CCDC60: variants seen among roughly 807,000 people sequenced by gnomAD.
CCDC60 encodes the protein coiled-coil domain containing 60.
Under a neutral mutation model 63.5 loss-of-function variants are expected in CCDC60, and 54 were observed. The observed-to-expected ratio is 0.85, with a 90% CI of 0.68 to 1.07. The LOEUF (loss-of-function observed/expected upper bound fraction) is 1.07, where lower values mean the gene tolerates loss of function less well. Ranked by LOEUF, CCDC60 falls within the 50% of genes least tolerant of loss-of-function variation. The pLI, the probability that CCDC60 is intolerant of heterozygous loss-of-function variation, is 0.00. For synonymous variants in CCDC60, 206 were observed against 238.8 expected (o/e 0.86, Z 1.27); for missense variants, 651 against 684.3 (o/e 0.95, Z 0.54).
chr12:119,517,219 T>C (rs899042590), intron 8 of CCDC60, among the ~76,000 whole-genome samples: 2 of 152,032 alleles, frequency 1.3e-5, no homozygotes, highest in African/African-American at 4.8e-5. Flanking sequence ...GGCCTCAAAC[T>C]CATGGCTTAA....
rs548099233 is a variant in CCDC60 at position 119,516,180 on chromosome 12, G to A, written c.884-443G>A. Among the ~76,000 whole-genome samples the A allele has an allele frequency of 9.1e-4, 138 of 151,996 alleles. No individual in the cohort carries two copies. In the South Asian group the frequency reaches 0.012, roughly 13 times the overall value. ...GAGTGCAGTGGCATGATCTCGGCTC[G>A]CTGCAACCTCTGCCTCTCAGGTTCA... On this transcript the variant is annotated intron_variant, in intron 7 of 13. Transcript: ENST00000327554.
chr12:119,335,034 A>C lies in CCDC60; in HGVS notation c.-143A>C. On this transcript the variant is annotated 5_prime_UTR_variant, in exon 1 of 14. Transcript: ENST00000327554. ...GCTTTCTCATTACTCTTCAGAAGGAAACCGCTTTGGAGTTCGTGTAATTGG... is the reference window on the plus strand; with the variant it reads ...GCTTTCTCATTACTCTTCAGAAGGACACCGCTTTGGAGTTCGTGTAATTGG... The C allele has an allele frequency of 2.1e-5, 13 of 624,084 alleles. No individual in the cohort carries two copies. The highest frequency in any genetic ancestry group is 3.3e-5 in the Non-Finnish European group (12 of 359,070). 38.7% of individuals were successfully genotyped at this position (624,084 alleles called of 1,614,324 possible). A position where few individuals can be genotyped will look rare whatever the true frequency, so the allele number is the denominator to read the frequency against.
At position 119,362,897 on chromosome 12, in the gene CCDC60, G is replaced by A. The variant is rs149839252; in HGVS notation, c.90+27631G>A. Among the ~76,000 whole-genome samples, 273 of 152,300 alleles carry A rather than the reference G, an allele frequency of 1.8e-3. 2 individuals are homozygous for A. Among genetic ancestry groups the A allele is most frequent in the South Asian group, 2.3e-3 (11 of 4,822 alleles). ...GCAGATCACTTGAGGCCAGGAGTTC[G>A]AGACCAGCTTGGCCAACATGGCAAA... On this transcript the variant is annotated intron_variant, in intron 1 of 13. Transcript: ENST00000327554.
intron 1 of CCDC60, among the ~76,000 whole-genome samples, chr12:119,406,299 A>G (rs1182616992): frequency 6.6e-6 from 1 of 151,968 alleles, no homozygotes; most frequent in Non-Finnish European, 1.5e-5. Context: ...GGGTCTCATC[A>G]GCTCCCCTTG....
At chr12:119,495,762 C>T (rs1389057165) in intron 5 of CCDC60, among the ~76,000 whole-genome samples, 2 of 152,086 alleles carry the variant, frequency 1.3e-5, no homozygotes, top group African/African-American at 4.8e-5. Flanking sequence ...GGAATACTGC[C>T]GTGAAGAAAA....
intron 6 of CCDC60, among the ~76,000 whole-genome samples, chr12:119,500,619 C>T (rs1463640851): frequency 6.7e-6 from 1 of 149,294 alleles, no homozygotes; most frequent in African/African-American, 2.5e-5. Context: ...ATTGGGAGGC[C>T]AAGGCAGGAG....
intron 4 of CCDC60, among the ~76,000 whole-genome samples, chr12:119,487,816 C>CA (rs150213439): frequency 0.018 from 2,665 of 152,136 alleles, 69 homozygotes; most frequent in African/African-American, 0.059. Flanking sequence ...ACAAAGTGTC[C>CA]AAAAAATCAG....
At chr12:119,346,819 TC>T in intron 1 of CCDC60, among the ~76,000 whole-genome samples, 1 of 134,770 alleles carries the variant, frequency 7.4e-6, no homozygotes, top group South Asian at 2.4e-4. Context: ...TTTCTTTCTT[TC>T]TTTCTTTCTT....
At chr12:119,443,798 C>T (rs1950489425) in intron 2 of CCDC60, among the ~76,000 whole-genome samples, 2 of 152,290 alleles carry the variant, frequency 1.3e-5, no homozygotes, top group African/African-American at 4.8e-5. Context: ...GGCTCTACCA[C>T]CTACTAGCTT....
intron 2 of CCDC60, among the ~76,000 whole-genome samples, chr12:119,443,085 C>T (rs995497952): frequency 2.0e-5 from 3 of 152,218 alleles, no homozygotes; most frequent in East Asian, 3.8e-4. Flanking sequence ...ACAGTGCCAA[C>T]GTGCATCAGG....
At chr12:119,466,362 T>C (rs1950953880) in intron 2 of CCDC60, among the ~76,000 whole-genome samples, 2 of 152,326 alleles carry the variant, frequency 1.3e-5, no homozygotes, top group Admixed American at 6.5e-5. Context: ...CCTCAACACA[T>C]AGTGCTTTGT....
At chr12:119,406,179 AT>A (rs1425949966) in intron 1 of CCDC60, among the ~76,000 whole-genome samples, 55 of 91,368 alleles carry the variant, frequency 6.0e-4, no homozygotes, top group African/African-American at 1.7e-3. Flanking sequence ...CTCAAAAAAT[AT>A]ATATATATAT....
At chr12:119,407,538 AAATT>A (rs936063719) in intron 1 of CCDC60, among the ~76,000 whole-genome samples, 2 of 152,234 alleles carry the variant, frequency 1.3e-5, no homozygotes, top group Admixed American at 6.5e-5. Flanking sequence ...TCTCAAAAAT[AAATT>A]AATTAATTAC....
intron 1 of CCDC60, among the ~76,000 whole-genome samples, chr12:119,364,617 G>A (rs890938438): frequency 2.0e-5 from 3 of 152,124 alleles, no homozygotes; most frequent in Non-Finnish European, 4.4e-5. Context: ...ACCTGTTGAT[G>A]CACAGTTGGG....
rs762799929 is a variant in CCDC60 at position 119,335,135 on chromosome 12, C to T, written c.-42C>T. On this transcript the variant is annotated 5_prime_UTR_variant, in exon 1 of 14. Coordinates refer to ENST00000327554, the MANE Select transcript of CCDC60 (RefSeq NM_178499.5). ...TGAAGTAGAAGATTCTGGAAAAATCCTTGTCTTGGGGGCACAGGCTAAAAC... is the reference window on the plus strand; with the variant it reads ...TGAAGTAGAAGATTCTGGAAAAATCTTTGTCTTGGGGGCACAGGCTAAAAC... The T allele has an allele frequency of 1.3e-6, 2 of 1,523,904 alleles. No homozygotes were observed. Among genetic ancestry groups the T allele is most frequent in the Non-Finnish European group, 1.8e-6 (2 of 1,118,842 alleles). The allele number at this position is 1,523,904 out of a possible 1,614,324, so 94.4% of individuals were successfully genotyped here. A position where few individuals can be genotyped will look rare whatever the true frequency, so the allele number is the denominator to read the frequency against.
chr12:119,517,619 AAGAGAGTATTATAGGC>A (rs1952388645), intron 8 of CCDC60, among the ~76,000 whole-genome samples: 1 of 152,084 alleles, frequency 6.6e-6, no homozygotes, highest in African/African-American at 2.4e-5. Flanking sequence ...GGAGGTGGGG[AAGAGAGTATTATAGGC>A]AGCACATGTG....
At chr12:119,366,290 G>A (rs1449279795) in intron 1 of CCDC60, among the ~76,000 whole-genome samples, 2 of 152,174 alleles carry the variant, frequency 1.3e-5, no homozygotes, top group Non-Finnish European at 2.9e-5. Flanking sequence ...AATATACTAA[G>A]CTCCATTTTA....
intron 1 of CCDC60, among the ~76,000 whole-genome samples, chr12:119,404,498 C>T (rs2136184316): frequency 6.6e-6 from 1 of 152,228 alleles, no homozygotes; most frequent in Admixed American, 6.5e-5. Flanking sequence ...TGTGTGTTTC[C>T]TAGCTCTGAG....
At chr12:119,523,274 A>G (rs1952578944) in intron 10 of CCDC60, among the ~76,000 whole-genome samples, 2 of 152,212 alleles carry the variant, frequency 1.3e-5, no homozygotes, top group Non-Finnish European at 2.9e-5. Context: ...AACCAATCCT[A>G]TGAGGCAGGA....
Sources: allele counts gnomAD v4.1 joint callset (sites outside exome capture counted in the v4.1 genomes callset), GRCh38; gene constraint gnomAD v4.1.1; transcripts MANE v1.5; gene names NCBI Gene and HGNC (gene_info 2026-07-23, HGNC 2026-07-21).